The following GARRE1 variants were observed in gnomAD, a reference collection of about 807,000 sequenced individuals.
The protein encoded by GARRE1 is granule associated Rac and RHOG effector 1.
In GARRE1, 49 loss-of-function variants were observed where a neutral mutation model predicts 103.2. The observed-to-expected ratio is 0.47, with a 90% CI of 0.38 to 0.60. The LOEUF (loss-of-function observed/expected upper bound fraction) is 0.60, where lower values mean the gene tolerates loss of function less well. GARRE1 is among the 20% of genes least tolerant of loss of function. The pLI is 0.00. For missense variants in GARRE1, 1,199 were observed against 1,370.5 expected, an observed-to-expected ratio of 0.87 and a Z score of 1.98; for synonymous variants, 505 against 532.8, an observed-to-expected ratio of 0.95 and a Z score of 0.72.
intron 1 of GARRE1, among the ~76,000 whole-genome samples, chr19:34,276,183 A>G (rs1356939465): frequency 6.6e-6 from 1 of 152,026 alleles, no homozygotes; most frequent in Non-Finnish European, 1.5e-5. Context: ...AGCTGGGATT[A>G]CAGGTGTGCG....
At position 34,307,733 on chromosome 19, in the gene GARRE1, T is replaced by A. The variant is rs941644298; in HGVS notation, c.495+6765T>A. On this transcript the variant is annotated intron_variant, in intron 2 of 13. Coordinates refer to ENST00000299505, the MANE Select transcript of GARRE1 (RefSeq NM_014686.5). ...TATATATATACTATATATACATATA[T>A]ACTTATATATACTATATATACATAT... is the stretch of plus-strand genomic sequence containing the variant. 2.1e-4 allele frequency among the ~76,000 whole-genome samples: 29 copies of A among 137,944 alleles called. 1 individual carries two copies. In the Admixed American group the frequency reaches 2.3e-3, roughly 11 times the overall value. 90.5% of individuals were successfully genotyped at this position (137,944 alleles called of 152,430 possible). A position where few individuals can be genotyped will look rare whatever the true frequency, so the allele number is the denominator to read the frequency against.
intron 13 of GARRE1, among the ~76,000 whole-genome samples, chr19:34,352,239 TA>T (rs2074241622): frequency 6.7e-6 from 1 of 149,892 alleles, no homozygotes; most frequent in Non-Finnish European, 1.5e-5. Flanking sequence ...CCATCTCTAC[TA>T]AAAATACAAA....
chr19:34,292,951 C>G (rs1192599387), intron 1 of GARRE1, among the ~76,000 whole-genome samples: 1 of 152,092 alleles, frequency 6.6e-6, no homozygotes, highest in East Asian at 1.9e-4. Context: ...TCAAATGATC[C>G]TCCCGCCTCT....
At position 34,342,471 on chromosome 19, in the gene GARRE1, C is replaced by T. The variant is rs990783991; in HGVS notation, c.2521+16C>T. 1.3e-6 allele frequency: 2 copies of T among 1,592,900 alleles called. No homozygotes were observed. Among genetic ancestry groups the T allele is most frequent in the African/African-American group, 2.7e-5 (2 of 74,736 alleles). ...GATCCTGCAGGTATGTGAGGCCTCC[C>T]ATCCCTCGCCCAGTGTCAACAGCAA... On this transcript the variant is annotated intron_variant, in intron 10 of 13. Coordinates refer to ENST00000299505, the MANE Select transcript of GARRE1 (RefSeq NM_014686.5).
intron 10 of GARRE1, among the ~76,000 whole-genome samples, chr19:34,345,285 G>A (rs1004481104): frequency 3.9e-5 from 6 of 152,136 alleles, no homozygotes; most frequent in African/African-American, 9.7e-5. Context: ...TCTTCATGCC[G>A]CTGCTCTTGC....
intron 1 of GARRE1, among the ~76,000 whole-genome samples, chr19:34,298,510 C>T (rs1173567527): frequency 1.3e-5 from 2 of 150,990 alleles, no homozygotes; most frequent in African/African-American, 2.4e-5. Context: ...GTCAGGAGTT[C>T]GAGACCAGCC....
intron 1 of GARRE1, among the ~76,000 whole-genome samples, chr19:34,271,943 C>G (rs2073790877): frequency 6.6e-6 from 1 of 152,092 alleles, no homozygotes; most frequent in Non-Finnish European, 1.5e-5. Flanking sequence ...ATTGCTTGCT[C>G]TGGAAGTCAA....
intron 4 of GARRE1, 48 bp downstream of exon 4, chr19:34,327,609 G>A (rs759220324): frequency 1.9e-6 from 3 of 1,600,106 alleles, no homozygotes; most frequent in Non-Finnish European, 1.7e-6. Flanking sequence ...ATAGAAACAA[G>A]GGAGGGAGTT....
chr19:34,346,266 T>G (rs1166522315), intron 10 of GARRE1, among the ~76,000 whole-genome samples: 1 of 152,198 alleles, frequency 6.6e-6, no homozygotes, highest in South Asian at 2.1e-4. Flanking sequence ...TGCCATATGT[T>G]TTTTTTGACA....
intron 10 of GARRE1, among the ~76,000 whole-genome samples, chr19:34,345,156 T>C (rs1415068566): frequency 1.3e-5 from 2 of 152,134 alleles, no homozygotes; most frequent in African/African-American, 4.8e-5. Context: ...TTTTGCCATG[T>C]TGGCCAGGCT....
At chr19:34,302,736 GTTT>G (rs35460135) in intron 2 of GARRE1, among the ~76,000 whole-genome samples, 4 of 129,052 alleles carry the variant, frequency 3.1e-5, no homozygotes, top group African/African-American at 3.0e-5. Context: ...GTCTTTGATA[GTTT>G]TTTTTTTTTT....
At position 34,266,088 on chromosome 19, in the gene GARRE1, G is replaced by A. The variant is rs190217771; in HGVS notation, c.-796+11474G>A. 3.5e-3 allele frequency among the ~76,000 whole-genome samples: 538 copies of A among 152,330 alleles called. 1 individual carries two copies. The highest frequency in any genetic ancestry group is 3.3e-3 in the South Asian group (16 of 4,832). On this transcript the variant is annotated intron_variant, in intron 1 of 13. Transcript: ENST00000299505. ...TAAGCTCCTTGAGAGCAAGCATTATGTCTGTCTCTTCACCACTGCATCCTG... is the reference window on the plus strand; with the variant it reads ...TAAGCTCCTTGAGAGCAAGCATTATATCTGTCTCTTCACCACTGCATCCTG...
intron 11 of GARRE1, 188 bp downstream of exon 11, chr19:34,348,230 A>C (rs1338776403): frequency 6.9e-6 from 3 of 436,012 alleles, no homozygotes; most frequent in Non-Finnish European, 1.2e-5. Flanking sequence ...GTTAGATGCC[A>C]AGTAGTGTGA....
rs556139611 is a variant in GARRE1, at chr19:34,284,846, A to G, written c.-795-14833A>G. On this transcript the variant is annotated intron_variant, in intron 1 of 13. Coordinates refer to ENST00000299505, the MANE Select transcript of GARRE1 (RefSeq NM_014686.5). ...CAGATAAATATGAGGGTGGAGAAGCATGTGAAAAACATTTAGACAGCATTA... is the reference window on the plus strand; with the variant it reads ...CAGATAAATATGAGGGTGGAGAAGCGTGTGAAAAACATTTAGACAGCATTA... Among the ~76,000 whole-genome samples, 3 of 152,348 alleles carry G rather than the reference A, an allele frequency of 2.0e-5. No homozygotes were observed. In the South Asian group the frequency reaches 6.2e-4, roughly 32 times the overall value.
At chr19:34,330,436 T>A in intron 7 of GARRE1, 89 bp downstream of exon 7, 1 of 1,337,914 alleles carries the variant, frequency 7.5e-7, no homozygotes, top group Non-Finnish European at 1.0e-6. Flanking sequence ...TGTGAAAATA[T>A]TGAATAATTT....
At chr19:34,276,113 G>A (rs2073815714) in intron 1 of GARRE1, among the ~76,000 whole-genome samples, 1 of 151,808 alleles carries the variant, frequency 6.6e-6, no homozygotes, top group South Asian at 2.1e-4. Context: ...GTGCCATCTT[G>A]GCTCACTGCA....
intron 2 of GARRE1, among the ~76,000 whole-genome samples, chr19:34,304,789 T>A (rs966860982): frequency 6.8e-6 from 1 of 147,088 alleles, no homozygotes; most frequent in East Asian, 1.9e-4. Context: ...TTTTATTTTT[T>A]ATTTATTTAT....
intron 2 of GARRE1, among the ~76,000 whole-genome samples, chr19:34,305,726 C>G (rs577515261): frequency 6.6e-6 from 1 of 152,332 alleles, no homozygotes; most frequent in African/African-American, 2.4e-5. Context: ...GTTTCTTCTG[C>G]TTTCCTGGGA....
intron 1 of GARRE1, among the ~76,000 whole-genome samples, chr19:34,271,847 A>G (rs1363341643): frequency 2.0e-5 from 3 of 151,950 alleles, no homozygotes; most frequent in Non-Finnish European, 4.4e-5. Flanking sequence ...AAACAAAAAC[A>G]AAAACAAAAA....
Sources: allele counts gnomAD v4.1 joint callset (sites outside exome capture counted in the v4.1 genomes callset), GRCh38; gene constraint gnomAD v4.1.1; transcripts MANE v1.5; gene names NCBI Gene and HGNC (gene_info 2026-07-23, HGNC 2026-07-21).